CLVS1: variants seen among roughly 807,000 people sequenced by gnomAD.
The protein encoded by CLVS1 is clavesin-1.
A neutral mutation model predicts 33.1 loss-of-function variants in CLVS1; 10 were observed. The observed-to-expected ratio is 0.30, with a 90% CI of 0.19 to 0.51. The LOEUF (loss-of-function observed/expected upper bound fraction) is 0.51. Among genes scored for constraint, CLVS1 ranks in the 20% least tolerant of loss-of-function variants. The probability of loss-of-function intolerance (pLI) is 0.97; values close to 1 mark genes in which losing one functional copy is unlikely to be tolerated. For missense variants in CLVS1, 343 were observed against 433.4 expected (o/e 0.79, Z 1.85); for synonymous variants, 163 against 166.1 (o/e 0.98, Z 0.14).
the CLVS1 span, among the ~76,000 whole-genome samples, chr8:60,986,102 A>T: frequency 6.6e-6 from 1 of 152,222 alleles, no homozygotes; most frequent in Admixed American, 6.5e-5. Flanking sequence ...AACTGCTGTA[A>T]GTAACTTGGA....
At chr8:61,118,325 TC>T (rs1172640376) in intron 1 of CLVS1, among the ~76,000 whole-genome samples, 2 of 152,198 alleles carry the variant, frequency 1.3e-5, no homozygotes, top group Non-Finnish European at 2.9e-5. Context: ...AAACACCAGC[TC>T]CTGGGTTCAT....
intron 2 of CLVS1, among the ~76,000 whole-genome samples, chr8:61,344,336 C>T (rs1189637002): frequency 1.3e-5 from 2 of 152,140 alleles, no homozygotes; most frequent in African/African-American, 2.4e-5. Flanking sequence ...CATGAGCCAC[C>T]GCACTCGGCC....
At chr8:61,478,433 T>C (rs1818048101) in intron 5 of CLVS1, among the ~76,000 whole-genome samples, 1 of 152,212 alleles carries the variant, frequency 6.6e-6, no homozygotes, top group African/African-American at 2.4e-5. Flanking sequence ...AGTCTCCCAT[T>C]ATTATTGTGT....
Position 61,167,810 on chromosome 8 carries a change from T to C in CLVS1, c.-152+35950T>C, listed in dbSNP as rs552226730. Among the ~76,000 whole-genome samples, 7 of 152,096 alleles carry C rather than the reference T, an allele frequency of 4.6e-5. 1 individual carries two copies. The South Asian group carries it at 1.5e-3, about 32-fold the overall frequency. ...AGATGACCATGAGAGTGACCACTGG[T>C]TGTCCTCACTGCTACACTCCCACCA... On this transcript the variant is annotated intron_variant, in intron 2 of 2. Transcript: ENST00000522621.
intron 2 of CLVS1, among the ~76,000 whole-genome samples, chr8:61,358,188 C>T (rs894821037): frequency 1.3e-5 from 2 of 152,176 alleles, no homozygotes; most frequent in Non-Finnish European, 2.9e-5. Flanking sequence ...ACCTTCTGGA[C>T]CCAATAAAGT....
intron 2 of CLVS1, among the ~76,000 whole-genome samples, chr8:61,176,318 C>T (rs1807110952): frequency 1.3e-5 from 2 of 152,120 alleles, no homozygotes; most frequent in Non-Finnish European, 2.9e-5. Flanking sequence ...CCACCTGAGG[C>T]TTTCATAAGC....
At chr8:61,445,146 G>A (rs1162979749) in intron 3 of CLVS1, among the ~76,000 whole-genome samples, 3 of 152,284 alleles carry the variant, frequency 2.0e-5, no homozygotes, top group South Asian at 4.1e-4. Context: ...AACTCAATTT[G>A]ATCATAGTGT....
upstream of CLVS1, among the ~76,000 whole-genome samples, chr8:61,287,003 T>G (rs1809795802): frequency 6.6e-6 from 1 of 152,216 alleles, no homozygotes; most frequent in African/African-American, 2.4e-5. Flanking sequence ...TTTTTGACAA[T>G]TTCTATGATC....
chr8:61,039,329 A>G, the CLVS1 span, among the ~76,000 whole-genome samples: 1 of 152,172 alleles, frequency 6.6e-6, no homozygotes, highest in African/African-American at 2.4e-5. Context: ...AACCTACTAA[A>G]GTGCCATGAT....
chr8:61,340,071 G>T (rs997832406), intron 2 of CLVS1, among the ~76,000 whole-genome samples: 1 of 147,330 alleles, frequency 6.8e-6, no homozygotes, highest in African/African-American at 2.5e-5. Flanking sequence ...AAGAAAGAAA[G>T]AAAAAGAAAG....
chr8:61,499,465 G>T lies in CLVS1; in HGVS notation c.988G>T (p.Val330Leu), dbSNP rs1329543222. 1.2e-6 allele frequency: 2 copies of T among 1,612,412 alleles called. No individual in the cohort carries two copies. The highest frequency in any genetic ancestry group is 2.7e-5 in the African/African-American group (2 of 74,880). ...CTCCCCTCTTGTTAGATCTCAGTCT[G>T]TGGTAGAAGCTGGGACCCTGAAACA... The part of the protein sequence containing the change: ...SPKLMKRSQS[V>L]VEAGTLKHEE... The change falls in exon 6 of 6, where the codon GTG (valine) becomes TTG (leucine). Residue 330 changes from valine (V) to leucine (L), a missense_variant. Val to Leu is a conservative substitution (Grantham distance 32, BLOSUM62 1). Coordinates refer to ENST00000325897, the MANE Select transcript of CLVS1 (RefSeq NM_173519.3).
At chr8:61,182,989 C>T (rs1285509296) in intron 2 of CLVS1, among the ~76,000 whole-genome samples, 1 of 152,146 alleles carries the variant, frequency 6.6e-6, no homozygotes, top group Non-Finnish European at 1.5e-5. Context: ...AGATCATGTC[C>T]TTTGCAGGGA....
At chr8:61,047,716 C>T in the CLVS1 span, among the ~76,000 whole-genome samples, 1 of 152,164 alleles carries the variant, frequency 6.6e-6, no homozygotes, top group East Asian at 1.9e-4. Context: ...ACCGCATGTT[C>T]TCACTCATAG....
the CLVS1 span, among the ~76,000 whole-genome samples, chr8:61,032,994 AAAGAAAGAAAG>A: frequency 1.5e-4 from 8 of 52,606 alleles, no homozygotes; most frequent in Non-Finnish European, 3.0e-4. Flanking sequence ...GGAAGGAAGG[AAAGAAAGAAAG>A]AAAGAAAGAA....
Position 61,489,742 on chromosome 8 carries a change from C to T in CLVS1, c.978-9713C>T, listed in dbSNP as rs527565874. ...ATCCAAATAAAGTGTATATTGAAAT[C>T]ATCTTTTCCAAAATGGTATCAGACT... is the stretch of plus-strand genomic sequence containing the variant. On this transcript the variant is annotated intron_variant, in intron 5 of 5. Transcript: ENST00000325897. Among the ~76,000 whole-genome samples the T allele has an allele frequency of 3.3e-5, 5 of 152,228 alleles. No individual in the cohort carries two copies. The South Asian group carries it at 8.3e-4, about 25-fold the overall frequency.
At chr8:61,485,917 G>A (rs1803862339) in intron 5 of CLVS1, among the ~76,000 whole-genome samples, 1 of 151,960 alleles carries the variant, frequency 6.6e-6, no homozygotes. Flanking sequence ...GACATGGGTG[G>A]TGGGGAACAT....
At chr8:61,079,436 CCTAA>C (rs1804982631) in intron 1 of CLVS1, among the ~76,000 whole-genome samples, 1 of 152,284 alleles carries the variant, frequency 6.6e-6, no homozygotes, top group East Asian at 1.9e-4. Flanking sequence ...ATTGATATTT[CCTAA>C]CTGAGGTTTA....
At chr8:61,106,087 A>C (rs1177068613) in intron 1 of CLVS1, among the ~76,000 whole-genome samples, 1 of 152,184 alleles carries the variant, frequency 6.6e-6, no homozygotes, top group Non-Finnish European at 1.5e-5. Flanking sequence ...CTAGACTGTG[A>C]GCAGATTCCG....
chr8:60,973,920 T>C, the CLVS1 span, among the ~76,000 whole-genome samples: 4 of 152,204 alleles, frequency 2.6e-5, no homozygotes, highest in Admixed American at 6.5e-5. Context: ...CATGTCTGAC[T>C]AGCTGCCCAC....
Sources: gnomAD v4.1 joint callset for allele counts (sites outside exome capture counted in the v4.1 genomes callset) on GRCh38, gnomAD v4.1.1 for gene constraint, MANE v1.5 for transcripts, NCBI Gene and HGNC (gene_info 2026-07-23, HGNC 2026-07-21) for gene names.